SKOR2: variants seen among roughly 807,000 people sequenced by gnomAD.
SKOR2 encodes the protein SKI family transcriptional corepressor 2.
SKOR2 carries 47 observed loss-of-function variants against 69.1 expected under a neutral mutation model. That is an observed-to-expected ratio of 0.68 (90% CI 0.54 to 0.87). The LOEUF is 0.87. Among genes scored for constraint, SKOR2 ranks in the 40% least tolerant of loss-of-function variants. The pLI is 0.00. For synonymous variants in SKOR2, 717 were observed against 672.6 expected (o/e 1.07, Z -1.02); for missense variants, 1,404 against 1,472.2 (o/e 0.95, Z 0.76).
intron 4 of SKOR2, among the ~76,000 whole-genome samples, chr18:47,243,001 G>A (rs921067676): frequency 6.6e-6 from 1 of 152,122 alleles, no homozygotes; most frequent in Non-Finnish European, 1.5e-5. Flanking sequence ...CTTTACGGGG[G>A]CTTGCTTTCA....
At chr18:47,227,539 C>T (rs967637379) in intron 6 of SKOR2, among the ~76,000 whole-genome samples, 8 of 152,140 alleles carry the variant, frequency 5.3e-5, no homozygotes, top group Non-Finnish European at 1.2e-4. Context: ...CCATGTTGGC[C>T]AGGCTGGTCT....
chr18:47,226,138 G>C (rs1450058651), intron 6 of SKOR2, among the ~76,000 whole-genome samples: 1 of 152,088 alleles, frequency 6.6e-6, no homozygotes, highest in Non-Finnish European at 1.5e-5. Flanking sequence ...TTTTAAGATG[G>C]CTAATGGGAA....
At chr18:47,216,738 T>C (rs1475896513) in intron 7 of SKOR2, among the ~76,000 whole-genome samples, 9 of 152,192 alleles carry the variant, frequency 5.9e-5, no homozygotes, top group Non-Finnish European at 1.2e-4. Context: ...TTACAAAATA[T>C]GATGGTTTTA....
Position 47,249,001 on chromosome 18 carries a change from G to A in SKOR2, c.183C>T (p.Arg61=), listed in dbSNP as rs779460649. ...TGTTGGAGATCTGCGCCAGGCACAGGCGCTCTTGCCCGTCGATCACCAACG... is the reference window on the plus strand; with the variant it reads ...TGTTGGAGATCTGCGCCAGGCACAGACGCTCTTGCCCGTCGATCACCAACG... ...IVSLVIDGQE[R]LCLAQISNTL... Residue 61 remains arginine (R), a synonymous_variant, in exon 2 of 9, where the codon CGC becomes CGT. Transcript: ENST00000425639. The A allele has an allele frequency of 6.4e-7, 1 of 1,554,790 alleles. No individual in the cohort carries two copies. The highest frequency in any genetic ancestry group is 1.9e-5 in the Admixed American group (1 of 53,008).
chr18:47,211,872 A>T (rs2064128862), intron 8 of SKOR2, among the ~76,000 whole-genome samples: 1 of 152,216 alleles, frequency 6.6e-6, no homozygotes, highest in Non-Finnish European at 1.5e-5. Flanking sequence ...ATTTTTAGTT[A>T]TAGGAATTTT....
chr18:47,212,243 A>C, intron 7 of SKOR2, 92 bp from the exon 8 acceptor site: 1 of 1,116,406 alleles, frequency 9.0e-7, no homozygotes, highest in Non-Finnish European at 1.1e-6. Context: ...AACAATTTGA[A>C]TGCCAATAGA....
intron 4 of SKOR2, 60 bp from the exon 5 acceptor site, chr18:47,231,060 CT>C: frequency 6.5e-7 from 1 of 1,534,710 alleles, no homozygotes; most frequent in Non-Finnish European, 8.7e-7. Context: ...GTAAGTTTTC[CT>C]TTACATTTTC....
chr18:47,214,277 G>C (rs2064137017), intron 7 of SKOR2, among the ~76,000 whole-genome samples: 1 of 151,776 alleles, frequency 6.6e-6, no homozygotes. Context: ...CAATAACACA[G>C]CATTTCATTA....
At chr18:47,238,580 C>G (rs1241178949) in intron 4 of SKOR2, among the ~76,000 whole-genome samples, 1 of 152,094 alleles carries the variant, frequency 6.6e-6, no homozygotes, top group African/African-American at 2.4e-5. Flanking sequence ...GCCTCAGCCT[C>G]CCAAAGTGCT....
chr18:47,232,648 T>C (rs2064204078), intron 4 of SKOR2, among the ~76,000 whole-genome samples: 1 of 152,174 alleles, frequency 6.6e-6, no homozygotes, highest in Non-Finnish European at 1.5e-5. Context: ...CAGTGGGCCA[T>C]GTGTTACTTG....
intron 6 of SKOR2, among the ~76,000 whole-genome samples, chr18:47,225,424 T>C (rs1350907092): frequency 1.3e-5 from 2 of 152,160 alleles, no homozygotes; most frequent in Non-Finnish European, 2.9e-5. Flanking sequence ...CCATTGTCAG[T>C]TTTAATCTCT....
Position 47,245,495 on chromosome 18 carries a change from T to TTTTTTTTTTAC in SKOR2, c.2677+2_2677+3insGTAAAAAAAAA. The TTTTTTTTTTAC allele has an allele frequency of 6.8e-7, 1 of 1,470,346 alleles. No homozygotes were observed. The highest frequency in any genetic ancestry group is 9.0e-7 in the Non-Finnish European group (1 of 1,116,556). The allele number at this position is 1,470,346 out of a possible 1,614,324, so 91.1% of individuals were successfully genotyped here. ...GGCAGCTGATTTTTTTTTTTTTTTT[T>TTTTTTTTTTAC]ACCTGAAAAGCTGTTGTCATCCTTT... On this transcript the variant is annotated splice_region_variant and intron_variant, in intron 3 of 8. Transcript: ENST00000425639.
intron 1 of SKOR2, among the ~76,000 whole-genome samples, chr18:47,250,145 A>T (rs949391639): frequency 2.6e-5 from 4 of 152,202 alleles, no homozygotes; most frequent in African/African-American, 9.6e-5. Context: ...TTTTAGCTTG[A>T]TGTGAACCAC....
intron 6 of SKOR2, among the ~76,000 whole-genome samples, chr18:47,226,810 C>T (rs2144491692): frequency 6.6e-6 from 1 of 152,286 alleles, no homozygotes; most frequent in East Asian, 1.9e-4. Context: ...TCATTTAATC[C>T]TCTCCACAAC....
At position 47,230,512 on chromosome 18, in the gene SKOR2, C is replaced by T. The variant is rs1015535078; in HGVS notation, c.2864G>A (p.Arg955Gln). ...VLFEQIDLRRRLEQEFQVLKG... is the reference protein window; with the variant it reads ...VLFEQIDLRRQLEQEFQVLKG... ...TAACACCTGGAATTCTTGTTCCAGT[C>T]GTCTCCGTAAATCTATTTGTTCAAA... Residue 955 changes from arginine (R) to glutamine (Q), a missense_variant, in exon 6 of 9, where the codon CGA (arginine) becomes CAA (glutamine). Around this residue, in one of 3 missense-constraint regions of SKOR2, gnomAD observed 1,266 missense variants for 1,309.9 expected, o/e 0.97. Transcript: ENST00000425639. 2.5e-5 allele frequency: 36 copies of T among 1,444,376 alleles called. No individual in the cohort carries two copies. Among genetic ancestry groups the T allele is most frequent in the African/African-American group, 7.2e-5 (5 of 69,594 alleles). 89.5% of individuals were successfully genotyped at this position (1,444,376 alleles called of 1,614,324 possible).
chr18:47,234,884 G>A (rs751147589), intron 4 of SKOR2, among the ~76,000 whole-genome samples: 47 of 102,844 alleles, frequency 4.6e-4, no homozygotes, highest in Non-Finnish European at 6.1e-4. Context: ...AAGAGAGGGG[G>A]TGGGGGGAAG....
Position 47,248,667 on chromosome 18 carries a change from T to C in SKOR2, c.517A>G (p.Lys173Glu). ...RYNSSRAKCI[K>E]CSYCNMYFSP... ...AAGTACATGTTGCAGTAGCTGCATT[T>C]GATGCACTTGGCGCGCGAGCTGTTG... is the stretch of plus-strand genomic sequence containing the variant. The change falls in exon 2 of 9, where the codon AAA (lysine) becomes GAA (glutamate). Residue 173 changes from lysine to glutamate, a missense_variant. Lys to Glu is a moderately conservative substitution (Grantham distance 56, BLOSUM62 1). This residue lies in a region of SKOR2 where 1,266 missense variants were observed against 1,309.9 expected (regional missense o/e 0.97). Coordinates refer to ENST00000425639, the MANE Select transcript of SKOR2 (RefSeq NM_001278063.4). This position sits in a 1 kb window ranked among gnomAD's most constrained non-coding sequence, Gnocchi z 6.4. 1 of 1,567,036 alleles carries C rather than the reference T, an allele frequency of 6.4e-7. No homozygotes were observed. The highest frequency in any genetic ancestry group is 1.4e-5 in the African/African-American group (1 of 74,022).
At chr18:47,216,854 A>G (rs908602743) in intron 7 of SKOR2, among the ~76,000 whole-genome samples, 3 of 152,232 alleles carry the variant, frequency 2.0e-5, no homozygotes, top group South Asian at 4.1e-4. Context: ...TTAAATATAA[A>G]ATAATTTGAG....
chr18:47,248,587 A>G lies in SKOR2; in HGVS notation c.597T>C (p.Thr199=). Residue 199 remains threonine (T), a synonymous_variant, in exon 2 of 9, where the codon ACT becomes ACC. Transcript: ENST00000425639. This position sits in a 1 kb window ranked among gnomAD's most constrained non-coding sequence, Gnocchi z 6.4. ...HSHRTPDAKY[T]QPDAANFNSW... Reference sequence around the variant, plus strand: ...AGTTGAAGTTGGCTGCGTCTGGCTGAGTGTACTTGGCGTCGGGCGTGCGGT... The same window carrying G: ...AGTTGAAGTTGGCTGCGTCTGGCTGGGTGTACTTGGCGTCGGGCGTGCGGT... 6.5e-7 allele frequency: 1 copy of G among 1,540,088 alleles called. No homozygotes were observed. Among genetic ancestry groups the G allele is most frequent in the Non-Finnish European group, 8.7e-7 (1 of 1,148,198 alleles).
Sources: gnomAD v4.1 joint callset for allele counts (sites outside exome capture counted in the v4.1 genomes callset) on GRCh38, gnomAD v4.1.1 for gene constraint, gnomAD v4.1.1 regional missense constraint, Gnocchi (gnomAD v3.1) non-coding constraint, MANE v1.5 for transcripts, NCBI Gene and HGNC (gene_info 2026-07-23, HGNC 2026-07-21) for gene names.